CPT1A: variants seen among roughly 807,000 people sequenced by gnomAD.
CPT1A encodes carnitine O-palmitoyltransferase 1, liver isoform.
A neutral mutation model predicts 100.8 loss-of-function variants in CPT1A; 64 were observed. That is an observed-to-expected ratio of 0.63 (90% CI 0.52 to 0.78). CPT1A has a LOEUF of 0.78. Among genes scored for constraint, CPT1A ranks in the 30% least tolerant of loss-of-function variants. The probability of loss-of-function intolerance (pLI) is 0.00; values close to 1 mark genes in which losing one functional copy is unlikely to be tolerated. For synonymous variants in CPT1A, 363 were observed against 396.0 expected, an observed-to-expected ratio of 0.92 and a Z score of 0.99; for missense variants, 802 against 1,034.1, an observed-to-expected ratio of 0.78 and a Z score of 3.08.
chr11:68,788,944 C>T (rs950182909), intron 9 of CPT1A, among the ~76,000 whole-genome samples: 2 of 152,118 alleles, frequency 1.3e-5, no homozygotes, highest in Non-Finnish European at 2.9e-5. Flanking sequence ...ATTCTAGGTG[C>T]CTGCTCTACA....
chr11:68,763,533 C>T (rs970083016), intron 14 of CPT1A, among the ~76,000 whole-genome samples: 9 of 144,930 alleles, frequency 6.2e-5, no homozygotes, highest in South Asian at 2.5e-4. Context: ...AGCAGGAGGG[C>T]GGGAAGTGGG....
At chr11:68,813,492 T>C (rs183397448) in intron 2 of CPT1A, among the ~76,000 whole-genome samples, 63 of 139,630 alleles carry the variant, frequency 4.5e-4, no homozygotes, top group African/African-American at 1.6e-3. Context: ...GGTTGTGCCA[T>C]TGCACTCCAA....
At chr11:68,790,818 T>G (rs1855594759) in intron 9 of CPT1A, among the ~76,000 whole-genome samples, 1 of 152,020 alleles carries the variant, frequency 6.6e-6, no homozygotes. Flanking sequence ...TTATTTTATT[T>G]TTATTTCATA....
intron 4 of CPT1A, among the ~76,000 whole-genome samples, 168 bp from the exon 5 acceptor site, chr11:68,804,269 G>A (rs1855984411): frequency 1.3e-5 from 2 of 152,136 alleles, no homozygotes; most frequent in Admixed American, 1.3e-4. Flanking sequence ...CACTTTTCCC[G>A]TGCGCACAAT....
intron 9 of CPT1A, among the ~76,000 whole-genome samples, chr11:68,789,625 C>T (rs886728581): frequency 3.9e-5 from 6 of 152,194 alleles, no homozygotes; most frequent in African/African-American, 1.4e-4. Context: ...TGGTCTCGAA[C>T]TCCTGACCTC....
Position 68,775,307 on chromosome 11 carries a change from C to G in CPT1A, c.1575+9G>C. 1 of 1,602,846 alleles carries G rather than the reference C, an allele frequency of 6.2e-7. No homozygotes were observed. Among genetic ancestry groups the G allele is most frequent in the Non-Finnish European group, 8.5e-7 (1 of 1,169,808 alleles). On this transcript the variant is annotated intron_variant, in intron 13 of 18. Coordinates refer to ENST00000265641, the MANE Select transcript of CPT1A (RefSeq NM_001876.4). ...GGTAAGTAACAATGGTTGGATAATCCGGACTTACTTCCCCCGGGATGTCCC... is the reference window on the plus strand; with the variant it reads ...GGTAAGTAACAATGGTTGGATAATCGGGACTTACTTCCCCCGGGATGTCCC...
At chr11:68,760,929 G>C (rs1398040170) in intron 16 of CPT1A, among the ~76,000 whole-genome samples, 1 of 152,026 alleles carries the variant, frequency 6.6e-6, no homozygotes, top group African/African-American at 2.4e-5. Flanking sequence ...GCTGAGGCAG[G>C]AGAATAGCTT....
In CPT1A at chr11:68,757,556, AT is replaced by A; in HGVS notation, c.*87del. 1.2e-6 allele frequency: 2 copies of A among 1,603,706 alleles called. No homozygotes were observed. The highest frequency in any genetic ancestry group is 1.7e-6 in the Non-Finnish European group (2 of 1,175,248). ...TGAGTTTTTTTAAGAGCAGTGTTTC[AT>A]CCCGAGCTAAGGTCAGGATTAATGC... On this transcript the variant is annotated 3_prime_UTR_variant, in exon 19 of 19. Transcript: ENST00000265641.
chr11:68,795,576 A>C (rs1484279226), intron 7 of CPT1A, among the ~76,000 whole-genome samples: 1 of 152,206 alleles, frequency 6.6e-6, no homozygotes, highest in African/African-American at 2.4e-5. Flanking sequence ...AAAAAAGTTA[A>C]GAGAAAAAGA....
At chr11:68,767,579 C>A (rs897970618) in intron 14 of CPT1A, among the ~76,000 whole-genome samples, 6 of 152,098 alleles carry the variant, frequency 3.9e-5, no homozygotes, top group Non-Finnish European at 8.8e-5. Flanking sequence ...AAGAGTAAGA[C>A]CCTGTCTCAA....
chr11:68,760,364 T>A, intron 16 of CPT1A, 26 bp from the exon 17 acceptor site: 1 of 1,567,372 alleles, frequency 6.4e-7, no homozygotes, highest in East Asian at 2.3e-5. Context: ...GGGAAATGTT[T>A]CCTAATCCCC....
chr11:68,837,562 C>A (rs1019355766), intron 1 of CPT1A, among the ~76,000 whole-genome samples: 1 of 152,138 alleles, frequency 6.6e-6, no homozygotes, highest in Non-Finnish European at 1.5e-5. Context: ...AAGGAAGGTG[C>A]ATTGAGGGGG....
chr11:68,814,369 C>T (rs935052421), intron 2 of CPT1A, among the ~76,000 whole-genome samples: 103 of 151,926 alleles, frequency 6.8e-4, no homozygotes, highest in Non-Finnish European at 5.7e-4. Context: ...TGCAGTGGCG[C>T]GATCTCGGCT....
At chr11:68,827,380 G>A (rs1490699003) in intron 1 of CPT1A, among the ~76,000 whole-genome samples, 1 of 152,052 alleles carries the variant, frequency 6.6e-6, no homozygotes, top group Non-Finnish European at 1.5e-5. Flanking sequence ...ATATTATACA[G>A]CAAGACTGTT....
chr11:68,771,933 C>T (rs929037898), intron 14 of CPT1A, among the ~76,000 whole-genome samples: 11 of 152,168 alleles, frequency 7.2e-5, no homozygotes. Context: ...AACAAGAGTG[C>T]CTCCCAGGTG....
At chr11:68,774,556 C>T (rs1156492817) in intron 13 of CPT1A, among the ~76,000 whole-genome samples, 1 of 151,772 alleles carries the variant, frequency 6.6e-6, no homozygotes, top group East Asian at 2.0e-4. Flanking sequence ...CATTCTCCTG[C>T]CTCAGCCTCC....
chr11:68,812,574 G>C lies in CPT1A; in HGVS notation c.144C>G (p.Asn48Lys). Residue 48 changes from asparagine (N) to lysine (K), a missense_variant and splice_region_variant, in exon 3 of 19, where the codon AAC becomes AAG. Physicochemically the swap from Asn to Lys is moderately conservative, Grantham distance 94. Around this residue, in one of 4 missense-constraint regions of CPT1A, gnomAD observed 161 missense variants for 183.7 expected, o/e 0.88. Coordinates refer to ENST00000265641, the MANE Select transcript of CPT1A (RefSeq NM_001876.4). ...CCGGGTACACGCCAGTGATGATGCC[G>C]TTCTAAAGACAGACACCCGGGCCGT... ...SWKKKFIRFK[N>K]GIITGVYPAS... The C allele has an allele frequency of 6.2e-7, 1 of 1,614,094 alleles. No individual in the cohort carries two copies. The highest frequency in any genetic ancestry group is 8.5e-7 in the Non-Finnish European group (1 of 1,179,988).
At chr11:68,839,463 CCACCCGCCGTGCCCA>C (rs1857107342) in intron 1 of CPT1A, 1 of 972,610 alleles carries the variant, frequency 1.0e-6, no homozygotes, top group Non-Finnish European at 1.2e-6. Context: ...GGATCCTGTT[CCACCCGCCGTGCCCA>C]CAGAGACCTT....
Position 68,841,709 on chromosome 11 carries a change from T to G in CPT1A, c.-14+66A>C. ...TCCCGGCAGCCCCGCGCCCCGCCCGTCCCCGGCCCCCGCAGCCCGCAGGGC... is the reference window on the plus strand; with the variant it reads ...TCCCGGCAGCCCCGCGCCCCGCCCGGCCCCGGCCCCCGCAGCCCGCAGGGC... On this transcript the variant is annotated intron_variant, in intron 1 of 18. Coordinates refer to ENST00000265641, the MANE Select transcript of CPT1A (RefSeq NM_001876.4). This position sits in a 1 kb window ranked among gnomAD's most constrained non-coding sequence, Gnocchi z 6.3. The G allele has an allele frequency of 2.3e-6, 2 of 864,510 alleles. No homozygotes were observed. The highest frequency in any genetic ancestry group is 2.8e-6 in the Non-Finnish European group (2 of 719,596). The allele number at this position is 864,510 out of a possible 1,614,324, so 53.6% of individuals were successfully genotyped here. A position where few individuals can be genotyped will look rare whatever the true frequency, so the allele number is the denominator to read the frequency against.
Sources: allele counts gnomAD v4.1 joint callset (sites outside exome capture counted in the v4.1 genomes callset), GRCh38; gene constraint gnomAD v4.1.1; regional missense constraint gnomAD v4.1.1; non-coding constraint Gnocchi (gnomAD v3.1); transcripts MANE v1.5; gene names NCBI Gene and HGNC (gene_info 2026-07-23, HGNC 2026-07-21).